DMD: variants seen among roughly 807,000 people sequenced by gnomAD.
DMD encodes the protein mutant dystrophin.
A neutral mutation model predicts 330.1 loss-of-function variants in DMD; 63 were observed. The observed-to-expected ratio is 0.19, with a 90% CI of 0.16 to 0.24. The LOEUF (loss-of-function observed/expected upper bound fraction) is 0.24, where lower values mean the gene tolerates loss of function less well. Ranked by LOEUF, DMD falls within the 10% of genes least tolerant of loss-of-function variation. The pLI, the probability that DMD is intolerant of heterozygous loss-of-function variation, is 1.00. For synonymous variants in DMD, 1,223 were observed against 959.8 expected (o/e 1.27, Z -5.07); for missense variants, 3,344 against 2,684.1 (o/e 1.25, Z -5.43).
chrX:32,463,497 G>A lies in DMD; in HGVS notation c.3374C>T (p.Ser1125Leu), dbSNP rs374744331. The change falls in exon 25 of 79, where the codon TCG becomes TTG. Residue 1125 changes from serine to leucine, a missense_variant. Coordinates refer to ENST00000357033, the MANE Select transcript of DMD (RefSeq NM_004006.3). ...IKNEAEPEFASRLETELKELN... is the reference protein window; with the variant it reads ...IKNEAEPEFALRLETELKELN... ...TTCTTTGAGTTCTGTCTCAAGTCTCGAAGCAAACTCTGGCTCTGCTTCATT... is the reference window on the plus strand; with the variant it reads ...TTCTTTGAGTTCTGTCTCAAGTCTCAAAGCAAACTCTGGCTCTGCTTCATT... The A allele has an allele frequency of 5.0e-6, 6 of 1,204,918 alleles. No homozygotes were observed. In the African/African-American group the frequency reaches 5.3e-5, roughly 11 times the overall value.
chrX:32,593,207 C>A (rs749827347), intron 13 of DMD, among the ~76,000 whole-genome samples: 1 of 112,334 alleles, frequency 8.9e-6, no homozygotes, highest in South Asian at 3.7e-4. Context: ...CCCAAGGATC[C>A]CATGACACTT....
chrX:32,059,314 T>C (rs2096205801), intron 44 of DMD, among the ~76,000 whole-genome samples: 1 of 111,261 alleles, frequency 9.0e-6, no homozygotes, highest in Admixed American at 9.6e-5. Context: ...GTTAATGAAC[T>C]TAATCATTGA....
intron 9 of DMD, among the ~76,000 whole-genome samples, chrX:32,685,414 G>A (rs1213686528): frequency 9.0e-6 from 1 of 111,626 alleles, no homozygotes; most frequent in East Asian, 2.8e-4. Context: ...ACACAATATA[G>A]AAATTTCTAA....
chrX:31,501,192 T>C (rs1273137573), intron 56 of DMD, among the ~76,000 whole-genome samples: 1 of 112,236 alleles, frequency 8.9e-6, no homozygotes. Context: ...GCTGTTTCTG[T>C]ATGTCACTTC....
At chrX:32,989,285 T>A (rs1242071158) in intron 2 of DMD, among the ~76,000 whole-genome samples, 1 of 111,722 alleles carries the variant, frequency 9.0e-6, no homozygotes, top group Non-Finnish European at 1.9e-5. Flanking sequence ...TGCAAAACCC[T>A]TCTCATCTGA....
chrX:32,229,682 AT>A, intron 43 of DMD, among the ~76,000 whole-genome samples: 1 of 3,137 alleles, frequency 3.2e-4, no homozygotes, highest in African/African-American at 1.4e-3. Flanking sequence ...GAGTTTCATC[AT>A]ATATATATAT....
chrX:32,857,319 T>C (rs2081657919), intron 2 of DMD, among the ~76,000 whole-genome samples: 1 of 112,205 alleles, frequency 8.9e-6, no homozygotes, highest in Non-Finnish European at 1.9e-5. Context: ...AGGAAAGCTC[T>C]CTAGTAATAA....
intron 27 of DMD, among the ~76,000 whole-genome samples, chrX:32,441,898 T>C (rs772403723): frequency 1.8e-5 from 2 of 111,509 alleles, no homozygotes; most frequent in South Asian, 3.6e-4. Context: ...TATAAATTTA[T>C]GGTAAACATC....
chrX:32,262,140 G>A (rs999167112), intron 43 of DMD, among the ~76,000 whole-genome samples: 3 of 111,516 alleles, frequency 2.7e-5, no homozygotes, highest in Admixed American at 1.9e-4. Flanking sequence ...AACTAGTATC[G>A]GAATCAAATT....
In DMD at chrX:32,732,103, T is replaced by G. The variant is rs191397017; in HGVS notation, c.650-32810A>C. On this transcript the variant is annotated intron_variant, in intron 7 of 78. Coordinates refer to ENST00000357033, the MANE Select transcript of DMD (RefSeq NM_004006.3). Reference sequence around the variant, plus strand: ...GAGCTGAAAACCAAGGCTAGAGAAGTACGTGAAGAATGCAGAAGCCTCAGG... The same window carrying G: ...GAGCTGAAAACCAAGGCTAGAGAAGGACGTGAAGAATGCAGAAGCCTCAGG... Among the ~76,000 whole-genome samples the G allele has an allele frequency of 4.8e-3, 535 of 110,902 alleles. 12 individuals are homozygous for G. Among genetic ancestry groups the G allele is most frequent in the African/African-American group, 0.017 (506 of 30,435 alleles).
intron 1 of DMD, among the ~76,000 whole-genome samples, chrX:33,284,582 TACTG>T (rs1384261338): frequency 5.6e-5 from 6 of 107,163 alleles, no homozygotes; most frequent in Non-Finnish European, 5.8e-5. Context: ...GCAATATATT[TACTG>T]ACTATCAATG....
intron 6 of DMD, among the ~76,000 whole-genome samples, chrX:32,813,522 G>C (rs2077515572): frequency 8.9e-6 from 1 of 111,909 alleles, no homozygotes; most frequent in South Asian, 3.6e-4. Context: ...CATGGAACTT[G>C]ATTGAATATT....
At chrX:31,869,322 G>A (rs2093851820) in intron 48 of DMD, among the ~76,000 whole-genome samples, 1 of 109,297 alleles carries the variant, frequency 9.1e-6, no homozygotes, top group Admixed American at 9.8e-5. Flanking sequence ...TAGAGATAGA[G>A]TTTCAGTAAC....
intron 64 of DMD, among the ~76,000 whole-genome samples, chrX:31,214,937 CTTTTT>C (rs761569710): frequency 2.0e-3 from 76 of 38,087 alleles, no homozygotes; most frequent in African/African-American, 8.3e-3. Flanking sequence ...TTTCTTTTTT[CTTTTT>C]TTTTTTTTTT....
At chrX:32,662,559 C>A (rs1336685339) in intron 9 of DMD, among the ~76,000 whole-genome samples, 1 of 111,770 alleles carries the variant, frequency 8.9e-6, no homozygotes, top group African/African-American at 3.2e-5. Context: ...ACTTCTTTTA[C>A]AAATTTATTA....
chrX:33,306,942 C>A (rs1392779431), intron 1 of DMD, among the ~76,000 whole-genome samples: 1 of 111,713 alleles, frequency 9.0e-6, no homozygotes, highest in Non-Finnish European at 1.9e-5. Context: ...TACTTATCTG[C>A]AAAATGAGGA....
chrX:32,858,177 G>C (rs911213605), intron 2 of DMD, among the ~76,000 whole-genome samples: 1 of 111,915 alleles, frequency 8.9e-6, no homozygotes, highest in Non-Finnish European at 1.9e-5. Flanking sequence ...TCCAGGAAAT[G>C]AAATTGAAGG....
At chrX:32,172,214 T>C (rs2096890115) in intron 44 of DMD, among the ~76,000 whole-genome samples, 1 of 111,841 alleles carries the variant, frequency 8.9e-6, no homozygotes, top group Admixed American at 9.5e-5. Context: ...GCTTTGTTCA[T>C]TCTAAACTTA....
intron 2 of DMD, among the ~76,000 whole-genome samples, chrX:32,986,525 G>A (rs1293122103): frequency 1.8e-5 from 2 of 111,958 alleles, no homozygotes; most frequent in African/African-American, 6.5e-5. Context: ...ACACATTACG[G>A]CCAATTCAAA....
Sources: allele counts gnomAD v4.1 joint callset (sites outside exome capture counted in the v4.1 genomes callset), GRCh38; gene constraint gnomAD v4.1.1; transcripts MANE v1.5; gene names NCBI Gene and HGNC (gene_info 2026-07-23, HGNC 2026-07-21).